ZNF117: variants seen among roughly 807,000 people sequenced by gnomAD.
ZNF117 encodes zinc finger protein 117, also known as Krueppel-related zinc finger protein.
In ZNF117, 37 loss-of-function variants were observed where a neutral mutation model predicts 41.2. That is an observed-to-expected ratio of 0.90 (90% CI 0.69 to 1.18). ZNF117 has a LOEUF of 1.18. Ranked by LOEUF, ZNF117 falls within the 50% of genes most tolerant of loss-of-function variation. ZNF117 has a pLI of 0.00. For missense variants in ZNF117, 546 were observed against 557.5 expected, an observed-to-expected ratio of 0.98 and a Z score of 0.21; for synonymous variants, 186 against 186.6, an observed-to-expected ratio of 1.00 and a Z score of 0.02.
rs1785922873 is a variant in ZNF117, at chr7:64,977,767, T to C, written c.*352A>G. ...TCTCCAGTATGAATTATTTTATGTG[T>C]AGTAAGAGTTGAGAACTGGTTAAAA... is the stretch of plus-strand genomic sequence containing the variant. On this transcript the variant is annotated 3_prime_UTR_variant, in exon 3 of 3. Coordinates refer to ENST00000620222, the Ensembl canonical transcript of ZNF117. 86 of 891,378 alleles carry C rather than the reference T, an allele frequency of 9.6e-5. 1 individual carries two copies. In the South Asian group the frequency reaches 1.1e-3, roughly 11 times the overall value. 55.2% of individuals were successfully genotyped at this position (891,378 alleles called of 1,614,324 possible).
At chr7:64,983,160 T>C (rs1309297497), upstream of ZNF117, among the ~76,000 whole-genome samples, 1 of 152,192 alleles carries the variant, frequency 6.6e-6, no homozygotes, top group Non-Finnish European at 1.5e-5. Context: ...TGAAAAAGCA[T>C]TTTATTAATC....
chr7:64,972,115 C>A (rs554237652), downstream of ZNF117: 1 of 151,662 alleles, frequency 6.6e-6, no homozygotes, highest in Admixed American at 6.6e-5. Flanking sequence ...AAAAGAAAAA[C>A]CAGGAGATTA....
chr7:64,978,697 G>C, exon 3 of ZNF117: 1 of 1,612,890 alleles, frequency 6.2e-7, no homozygotes, highest in Non-Finnish European at 8.5e-7. Context: ...TGTGTAGTAA[G>C]GGTTGAGGAC....
exon 3 of ZNF117, chr7:64,977,454 A>T (rs7810102): frequency 0.93 from 435,392 of 468,352 alleles, 203,379 homozygotes; most frequent in South Asian, 0.97. Flanking sequence ...GCATCGACTG[A>T]AAGTTTTGCC....
upstream of ZNF117, among the ~76,000 whole-genome samples, chr7:64,984,691 A>C (rs979380622): frequency 6.6e-6 from 1 of 152,238 alleles, no homozygotes; most frequent in Non-Finnish European, 1.5e-5. Context: ...AGTATAAATA[A>C]TGTACTAGTC....
upstream of ZNF117, among the ~76,000 whole-genome samples, chr7:64,985,527 C>T (rs1016082071): frequency 2.0e-5 from 3 of 152,072 alleles, no homozygotes; most frequent in African/African-American, 7.2e-5. Context: ...AAGCAATGAA[C>T]CTGAGGTCCT....
chr7:64,979,453 T>C lies in ZNF117; in HGVS notation c.118A>G (p.Arg40Gly), dbSNP rs377659232. ...TGTAAATTCTCATATCCACATTTTC[T>C]ATATCTTCTTAGGGTCACTTTCTGG... The change falls in exon 3 of 3, where the codon AGA (arginine) becomes GGA (glycine). Residue 40 changes from arginine to glycine, a missense_variant. Arg to Gly is a moderately radical substitution (Grantham distance 125). Transcript: ENST00000620222. The C allele has an allele frequency of 2.5e-6, 4 of 1,607,966 alleles. No individual in the cohort carries two copies. In the African/African-American group the frequency reaches 5.4e-5, roughly 22 times the overall value.
At chr7:64,982,219 A>G, upstream of ZNF117, 2 of 477,684 alleles carry the variant, frequency 4.2e-6, no homozygotes, top group East Asian at 8.1e-5. Context: ...AGTAAAGAAA[A>G]CTGGTTCTGA....
exon 3 of ZNF117, chr7:64,978,128 A>C (rs1432663724): frequency 6.2e-7 from 1 of 1,608,640 alleles, no homozygotes; most frequent in African/African-American, 1.3e-5. Flanking sequence ...ATCAGGTAGA[A>C]GCTTTGCCAC....
At chr7:64,975,228 AAG>A (rs1008135452) in exon 3 of ZNF117, 1 of 148,782 alleles carries the variant, frequency 6.7e-6, no homozygotes, top group Non-Finnish European at 1.5e-5. Context: ...GTTAAAAAAA[AAG>A]TTTAATTAAA....
intron 1 of ZNF117, among the ~76,000 whole-genome samples, chr7:64,989,485 A>G: frequency 9.4e-6 from 1 of 105,978 alleles, no homozygotes; most frequent in South Asian, 2.7e-4. Context: ...ATATATATAT[A>G]TATATATATA....
exon 3 of ZNF117, chr7:64,978,000 G>T: frequency 7.7e-7 from 1 of 1,299,212 alleles, no homozygotes; most frequent in Non-Finnish European, 1.1e-6. Context: ...CTTCTCTCCA[G>T]TATGAATCAT....
At chr7:64,979,756 C>T (rs2129118992) in intron 2 of ZNF117, among the ~76,000 whole-genome samples, 1 of 152,028 alleles carries the variant, frequency 6.6e-6, no homozygotes, top group East Asian at 1.9e-4. Flanking sequence ...TGCAGTGTTC[C>T]AGGTTATCAC....
chr7:64,988,043 C>A (rs989988041), intron 1 of ZNF117, among the ~76,000 whole-genome samples: 1 of 152,036 alleles, frequency 6.6e-6, no homozygotes, highest in Admixed American at 6.6e-5. Flanking sequence ...AGAGCTGGTA[C>A]CATTCCTTCT....
intron 1 of ZNF117, among the ~76,000 whole-genome samples, chr7:64,988,834 C>A (rs1001424233): frequency 1.3e-5 from 2 of 152,094 alleles, no homozygotes; most frequent in Non-Finnish European, 2.9e-5. Flanking sequence ...AAAACACAAT[C>A]CCCTTCACAA....
upstream of ZNF117, among the ~76,000 whole-genome samples, chr7:64,983,882 T>C (rs566515666): frequency 6.7e-6 from 1 of 149,986 alleles, no homozygotes; most frequent in Admixed American, 6.6e-5. Flanking sequence ...GAAAAACAGT[T>C]AAAAGCATCT....
intron 1 of ZNF117, among the ~76,000 whole-genome samples, chr7:64,987,555 TAAAG>T (rs1786160639): frequency 2.0e-5 from 3 of 152,070 alleles, no homozygotes; most frequent in East Asian, 1.9e-4. Flanking sequence ...GCCAGATTCA[TAAAG>T]AAAGAAGATT....
At chr7:64,977,708 A>C (rs1049001831) in exon 3 of ZNF117, 3 of 859,316 alleles carry the variant, frequency 3.5e-6, no homozygotes, top group African/African-American at 3.6e-5. Flanking sequence ...ATAGGTTGAA[A>C]GCTTTGCCAC....
chr7:64,975,748 TTTAA>T (rs1431215032), exon 3 of ZNF117: 2 of 152,148 alleles, frequency 1.3e-5, no homozygotes, highest in Non-Finnish European at 2.9e-5. Context: ...ATCTACCAAC[TTTAA>T]TTTTGGATTA....
Sources: gnomAD v4.1 joint callset for allele counts (sites outside exome capture counted in the v4.1 genomes callset) on GRCh38, gnomAD v4.1.1 for gene constraint, MANE v1.5 for transcripts, NCBI Gene and HGNC (gene_info 2026-07-23, HGNC 2026-07-21) for gene names.